The following SLC41A2 variants were observed in gnomAD, a reference collection of about 807,000 sequenced individuals.
The protein encoded by SLC41A2 is solute carrier family 41 member 2.
A neutral mutation model predicts 58.3 loss-of-function variants in SLC41A2; 32 were observed. The observed-to-expected ratio is 0.55, with a 90% CI of 0.41 to 0.74. The LOEUF (loss-of-function observed/expected upper bound fraction) is 0.74. SLC41A2 is among the 30% of genes least tolerant of loss of function. SLC41A2 has a pLI of 0.00. For synonymous variants in SLC41A2, 190 were observed against 235.0 expected, an observed-to-expected ratio of 0.81 and a Z score of 1.75; for missense variants, 514 against 680.6, an observed-to-expected ratio of 0.76 and a Z score of 2.72.
At chr12:104,805,410 A>G in intron 10 of SLC41A2, 73 bp from the exon 11 acceptor site, 1 of 1,317,858 alleles carries the variant, frequency 7.6e-7, no homozygotes, top group Non-Finnish European at 1.0e-6. Flanking sequence ...CACAAGCCTA[A>G]ACCACTGGCT....
At chr12:104,810,437 A>G (rs995870693) in intron 10 of SLC41A2, among the ~76,000 whole-genome samples, 1 of 152,150 alleles carries the variant, frequency 6.6e-6, no homozygotes, top group Non-Finnish European at 1.5e-5. Flanking sequence ...CATATTAACA[A>G]TGTGTTAAAT....
chr12:104,938,106 C>CAA (rs576207952), intron 1 of SLC41A2, among the ~76,000 whole-genome samples: 3 of 140,048 alleles, frequency 2.1e-5, no homozygotes, highest in African/African-American at 7.9e-5. Context: ...TCCATACTAG[C>CAA]AAAAAAAAAA....
intron 2 of SLC41A2, among the ~76,000 whole-genome samples, chr12:104,927,394 C>T (rs2046884881): frequency 6.6e-6 from 1 of 151,884 alleles, no homozygotes; most frequent in Non-Finnish European, 1.5e-5. Flanking sequence ...TCTTTGTATA[C>T]CAATTTGGAG....
chr12:104,871,723 G>A (rs1025268183), intron 6 of SLC41A2, among the ~76,000 whole-genome samples: 3 of 152,082 alleles, frequency 2.0e-5, no homozygotes, highest in South Asian at 2.1e-4. Flanking sequence ...TTCTAATCAC[G>A]TTAATTGGAG....
chr12:104,868,791 G>A (rs1255788105), intron 6 of SLC41A2, among the ~76,000 whole-genome samples: 1 of 152,080 alleles, frequency 6.6e-6, no homozygotes, highest in Non-Finnish European at 1.5e-5. Context: ...CCATACAATT[G>A]GATGTTACTC....
chr12:104,936,040 T>TAA (rs35130202), intron 1 of SLC41A2, among the ~76,000 whole-genome samples: 53 of 144,574 alleles, frequency 3.7e-4, no homozygotes, highest in Middle Eastern at 3.5e-3. Flanking sequence ...GAGACTGTCT[T>TAA]AAAAAAAAAA....
At position 104,932,740 on chromosome 12, in the gene SLC41A2, A is replaced by G. The variant is rs76921364; in HGVS notation, c.-167-4046T>C. The stretch of plus-strand genomic sequence containing the variant: ...GAACCCAAAAATAAAGCCAAATACA[A>G]CCAACTGATATTCAAGAAGCACATA... On this transcript the variant is annotated intron_variant, in intron 1 of 10. Transcript: ENST00000258538. 7.2e-5 allele frequency among the ~76,000 whole-genome samples: 11 copies of G among 152,080 alleles called. No individual in the cohort carries two copies. In the East Asian group the frequency reaches 1.9e-3, roughly 27 times the overall value.
chr12:104,903,252 G>T (rs2045642898), intron 3 of SLC41A2, among the ~76,000 whole-genome samples: 1 of 152,170 alleles, frequency 6.6e-6, no homozygotes, highest in Admixed American at 6.5e-5. Context: ...CAATGCAGTA[G>T]TCAAAATAAT....
chr12:104,851,455 C>T (rs1013556043), intron 8 of SLC41A2, among the ~76,000 whole-genome samples: 2 of 152,066 alleles, frequency 1.3e-5, no homozygotes, highest in Admixed American at 6.6e-5. Context: ...GTCATTGTGG[C>T]TCACTGCAAC....
At chr12:104,844,904 T>A (rs2042548505) in intron 9 of SLC41A2, among the ~76,000 whole-genome samples, 1 of 152,172 alleles carries the variant, frequency 6.6e-6, no homozygotes, top group Non-Finnish European at 1.5e-5. Context: ...ATAAAGTTCT[T>A]ACAGTACAAG....
chr12:104,829,713 AC>A (rs1357221354), intron 10 of SLC41A2, among the ~76,000 whole-genome samples: 1 of 152,130 alleles, frequency 6.6e-6, no homozygotes, highest in East Asian at 1.9e-4. Flanking sequence ...CCTCCAAGCA[AC>A]AGCCTTTAGC....
At chr12:104,853,708 AATGT>A (rs57299241) in intron 8 of SLC41A2, among the ~76,000 whole-genome samples, 29,725 of 142,388 alleles carry the variant, frequency 0.21, 3,182 homozygotes, top group East Asian at 0.26. Flanking sequence ...TTTTTAAATA[AATGT>A]ATGTATGTAT....
rs1555202443 is a variant in SLC41A2 at position 104,853,911 on chromosome 12, ATTTTTTT to A, written c.1255+7373_1255+7379del. On this transcript the variant is annotated intron_variant, in intron 8 of 10. Transcript: ENST00000258538. ...GGGTGCATGTCACCATGCCTGGCTG[ATTTTTTT>A]TTTTTTTTTTTTTTTTTTTTTAGTA... Among the ~76,000 whole-genome samples, 6 of 59,498 alleles carry A rather than the reference ATTTTTTT, an allele frequency of 1.0e-4. 2 individuals carry two copies. Among genetic ancestry groups the A allele is most frequent in the Admixed American group, 2.2e-4 (1 of 4,650 alleles). 39.0% of individuals were successfully genotyped at this position (59,498 alleles called of 152,430 possible).
intron 6 of SLC41A2, 101 bp from the exon 7 acceptor site, chr12:104,866,680 C>CA (rs1177134739): frequency 2.2e-6 from 2 of 929,462 alleles, no homozygotes; most frequent in Non-Finnish European, 3.0e-6. Flanking sequence ...ACGACACTAT[C>CA]AAACATATTA....
At chr12:104,926,634 C>A (rs1356159081) in intron 2 of SLC41A2, among the ~76,000 whole-genome samples, 1 of 150,690 alleles carries the variant, frequency 6.6e-6, no homozygotes, top group Non-Finnish European at 1.5e-5. Context: ...CAATAAGTAG[C>A]ACATAAATTT....
intron 2 of SLC41A2, among the ~76,000 whole-genome samples, chr12:104,911,118 A>G (rs1243908293): frequency 6.6e-6 from 1 of 152,196 alleles, no homozygotes; most frequent in Admixed American, 6.5e-5. Context: ...CAATCAGAAA[A>G]TCTTTGAATC....
chr12:104,940,007 T>C (rs1276864256), intron 1 of SLC41A2, among the ~76,000 whole-genome samples: 2 of 152,050 alleles, frequency 1.3e-5, no homozygotes, highest in Non-Finnish European at 2.9e-5. Flanking sequence ...CGTTTCTGTT[T>C]CCTATTATTA....
At chr12:104,920,774 A>G (rs1303011616) in intron 2 of SLC41A2, among the ~76,000 whole-genome samples, 1 of 151,944 alleles carries the variant, frequency 6.6e-6, no homozygotes, top group Non-Finnish European at 1.5e-5. Flanking sequence ...AATACAAAAA[A>G]TTAGCTAGGT....
chr12:104,948,815 T>C (rs1405457216), intron 1 of SLC41A2, among the ~76,000 whole-genome samples: 3 of 152,256 alleles, frequency 2.0e-5, no homozygotes, highest in African/African-American at 7.2e-5. Flanking sequence ...ATTCAAGTTA[T>C]TTTTGAACAC....
Sources: allele counts gnomAD v4.1 joint callset (sites outside exome capture counted in the v4.1 genomes callset), GRCh38; gene constraint gnomAD v4.1.1; transcripts MANE v1.5; gene names NCBI Gene and HGNC (gene_info 2026-07-23, HGNC 2026-07-21).